Variants in NLGN1 observed in about 807,000 individuals in gnomAD.
NLGN1 encodes the protein neuroligin 1.
Under a neutral mutation model 65.5 loss-of-function variants are expected in NLGN1, and 12 were observed. The observed-to-expected ratio is 0.18, with a 90% CI of 0.12 to 0.30. The LOEUF is 0.30. Among genes scored for constraint, NLGN1 ranks in the 10% least tolerant of loss-of-function variants. The pLI is 1.00. For missense variants in NLGN1, 750 were observed against 1,007.1 expected, an observed-to-expected ratio of 0.74 and a Z score of 3.46; for synonymous variants, 350 against 359.5, an observed-to-expected ratio of 0.97 and a Z score of 0.30.
At chr3:174,087,719 A>G (rs1743694567) in intron 4 of NLGN1, among the ~76,000 whole-genome samples, 1 of 152,200 alleles carries the variant, frequency 6.6e-6, no homozygotes, top group Non-Finnish European at 1.5e-5. Context: ...TAGTATGTTT[A>G]TATTTGCCCA....
intron 4 of NLGN1, among the ~76,000 whole-genome samples, chr3:173,995,431 A>C (rs915767635): frequency 6.6e-6 from 1 of 152,148 alleles, no homozygotes; most frequent in South Asian, 2.1e-4. Flanking sequence ...ATGAATCTCT[A>C]TGAATCCTAA....
chr3:173,632,637 C>T (rs73174599), intron 3 of NLGN1, among the ~76,000 whole-genome samples: 18,488 of 152,044 alleles, frequency 0.12, 1,390 homozygotes, highest in South Asian at 0.22. Flanking sequence ...TATTTGAATA[C>T]CAGCTGGGTG....
chr3:173,775,055 T>C (rs1578370343), intron 3 of NLGN1, among the ~76,000 whole-genome samples: 1 of 152,202 alleles, frequency 6.6e-6, no homozygotes, highest in Non-Finnish European at 1.5e-5. Context: ...TATGCAATTA[T>C]AGTCAATAAA....
chr3:173,600,560 G>GAAAAC (rs1560029029), intron 2 of NLGN1, among the ~76,000 whole-genome samples: 3 of 59,042 alleles, frequency 5.1e-5, no homozygotes, highest in Non-Finnish European at 1.2e-4. Context: ...ATGCAAACAA[G>GAAAAC]AAAACAAAGC....
intron 4 of NLGN1, among the ~76,000 whole-genome samples, chr3:174,054,791 T>G (rs915972253): frequency 6.6e-6 from 1 of 152,040 alleles, no homozygotes; most frequent in African/African-American, 2.4e-5. Context: ...TTCTAAGCAC[T>G]TATTCGCAAT....
chr3:173,543,841 T>C (rs1033749882), intron 2 of NLGN1, among the ~76,000 whole-genome samples: 3 of 152,082 alleles, frequency 2.0e-5, no homozygotes, highest in Non-Finnish European at 4.4e-5. Context: ...ACAGAGAGAA[T>C]TGTAATACAG....
chr3:173,496,807 A>G (rs989770333), intron 2 of NLGN1, among the ~76,000 whole-genome samples: 1 of 151,966 alleles, frequency 6.6e-6, no homozygotes, highest in Admixed American at 6.6e-5. Context: ...AAGACTTCGT[A>G]TTGTAAATAG....
intron 4 of NLGN1, among the ~76,000 whole-genome samples, chr3:174,179,956 C>T (rs944999714): frequency 5.3e-5 from 8 of 152,012 alleles, no homozygotes; most frequent in Non-Finnish European, 8.8e-5. Flanking sequence ...CCCCGGATTT[C>T]GAGGGACATT....
intron 2 of NLGN1, among the ~76,000 whole-genome samples, chr3:173,544,121 C>A (rs1055060661): frequency 5.5e-4 from 84 of 151,634 alleles, no homozygotes; most frequent in African/African-American, 7.3e-5. Context: ...TGTTGAATTG[C>A]GGGTAATAGT....
At position 173,807,664 on chromosome 3, in the gene NLGN1, A is replaced by G. The variant is rs777982567; in HGVS notation, c.494-16A>G. ...TTTTTGAGGATAAGAACGATTGCCA[A>G]CCATTTGTTTTCCAGATATTCGGGA... is the stretch of plus-strand genomic sequence containing the variant. On this transcript the variant is annotated splice_polypyrimidine_tract_variant and intron_variant, in intron 3 of 6. Transcript: ENST00000457714. 8 of 1,610,890 alleles carry G rather than the reference A, an allele frequency of 5.0e-6. No homozygotes were observed. Among genetic ancestry groups the G allele is most frequent in the Non-Finnish European group, 6.8e-6 (8 of 1,177,872 alleles).
intron 4 of NLGN1, among the ~76,000 whole-genome samples, chr3:173,873,811 C>T (rs981217638): frequency 2.0e-5 from 3 of 151,974 alleles, no homozygotes; most frequent in African/African-American, 7.3e-5. Context: ...AACTGTTTCC[C>T]AAAAAAGTCA....
chr3:173,778,144 C>A lies in NLGN1; in HGVS notation c.494-29536C>A, dbSNP rs564010362. The stretch of plus-strand genomic sequence containing the variant: ...TACAATTTAAGATAACACACAATTT[C>A]TTTAGTGTCTGTTTTTTTAAAAAAA... On this transcript the variant is annotated intron_variant, in intron 3 of 6. Transcript: ENST00000457714. 2.6e-5 allele frequency among the ~76,000 whole-genome samples: 4 copies of A among 151,810 alleles called. No homozygotes were observed. The East Asian group carries it at 7.7e-4, about 29-fold the overall frequency.
At chr3:174,264,266 C>T (rs1747548481) in intron 4 of NLGN1, among the ~76,000 whole-genome samples, 1 of 151,332 alleles carries the variant, frequency 6.6e-6, no homozygotes, top group African/African-American at 2.4e-5. Flanking sequence ...TGGATAATAT[C>T]CTGCAGAGTG....
At chr3:174,084,829 A>G (rs186862510) in intron 4 of NLGN1, among the ~76,000 whole-genome samples, 235 of 152,164 alleles carry the variant, frequency 1.5e-3, no homozygotes, top group Non-Finnish European at 2.6e-3. Context: ...CAGTCTTGAT[A>G]TCTTGCTAAA....
intron 4 of NLGN1, among the ~76,000 whole-genome samples, chr3:174,147,446 T>TA (rs1723523219): frequency 8.2e-6 from 1 of 122,174 alleles, no homozygotes; most frequent in African/African-American, 4.3e-5. Flanking sequence ...TTTTTTTTTT[T>TA]TTTTGAGACA....
At chr3:173,489,027 T>A (rs1270801172) in intron 2 of NLGN1, among the ~76,000 whole-genome samples, 1 of 151,928 alleles carries the variant, frequency 6.6e-6, no homozygotes, top group Non-Finnish European at 1.5e-5. Flanking sequence ...GATTTTCTTC[T>A]CAACCCCCTG....
intron 4 of NLGN1, among the ~76,000 whole-genome samples, chr3:174,173,044 G>T (rs1035666098): frequency 1.4e-5 from 2 of 147,486 alleles, no homozygotes; most frequent in African/African-American, 5.3e-5. Context: ...ACTTTTGGGG[G>T]TAATTCCTGT....
At chr3:174,197,771 T>TGG (rs1733743837) in intron 4 of NLGN1, among the ~76,000 whole-genome samples, 1 of 151,576 alleles carries the variant, frequency 6.6e-6, no homozygotes, top group African/African-American at 2.4e-5. Flanking sequence ...TGTGTGTGTG[T>TGG]GTGTGTATGT....
chr3:174,236,944 A>C (rs549035258), intron 4 of NLGN1, among the ~76,000 whole-genome samples: 3 of 152,200 alleles, frequency 2.0e-5, no homozygotes, highest in Admixed American at 6.5e-5. Context: ...TCTAAATCTA[A>C]AGTTCAGTTC....
Sources: gnomAD v4.1 joint callset for allele counts (sites outside exome capture counted in the v4.1 genomes callset) on GRCh38, gnomAD v4.1.1 for gene constraint, MANE v1.5 for transcripts, NCBI Gene and HGNC (gene_info 2026-07-23, HGNC 2026-07-21) for gene names.